The following GMDS variants were observed in gnomAD, a reference collection of about 807,000 sequenced individuals.
GMDS encodes the protein GDP-mannose 4,6-dehydratase, also known as GDP-mannose 4,6 dehydratase.
Under a neutral mutation model 49.9 loss-of-function variants are expected in GMDS, and 20 were observed. That is an observed-to-expected ratio of 0.40 (90% CI 0.28 to 0.58). GMDS has a LOEUF of 0.58. Among genes scored for constraint, GMDS ranks in the 20% least tolerant of loss-of-function variants. The pLI is 0.42. For synonymous variants in GMDS, 177 were observed against 178.6 expected (o/e 0.99, Z 0.07); for missense variants, 362 against 481.4 (o/e 0.75, Z 2.32).
chr6:1,882,516 A>T (rs571343975), intron 7 of GMDS, among the ~76,000 whole-genome samples: 1 of 152,330 alleles, frequency 6.6e-6, no homozygotes, highest in East Asian at 1.9e-4. Context: ...CATATTTTGC[A>T]ATTAGAATAA....
At chr6:1,670,667 C>G (rs1764392277) in intron 9 of GMDS, among the ~76,000 whole-genome samples, 1 of 152,170 alleles carries the variant, frequency 6.6e-6, no homozygotes, top group Non-Finnish European at 1.5e-5. Context: ...CTTCCATGCT[C>G]TAAATATATT....
intron 9 of GMDS, among the ~76,000 whole-genome samples, chr6:1,654,200 T>C (rs1405538395): frequency 6.6e-6 from 1 of 152,194 alleles, no homozygotes; most frequent in Non-Finnish European, 1.5e-5. Flanking sequence ...ACGAGTATGG[T>C]AGTTCCTCAA....
intron 7 of GMDS, among the ~76,000 whole-genome samples, chr6:1,812,717 C>G (rs1207455370): frequency 6.6e-6 from 1 of 152,036 alleles, no homozygotes; most frequent in Non-Finnish European, 1.5e-5. Flanking sequence ...TATTATGCAA[C>G]CAGGTTTGAG....
intron 1 of GMDS, among the ~76,000 whole-genome samples, chr6:2,165,426 C>A (rs184079550): frequency 2.0e-5 from 3 of 152,318 alleles, no homozygotes; most frequent in Admixed American, 2.0e-4. Context: ...GGATATCAGG[C>A]AGGAGAAATT....
intron 4 of GMDS, among the ~76,000 whole-genome samples, chr6:2,014,887 T>C (rs1037234337): frequency 6.6e-6 from 1 of 152,112 alleles, no homozygotes; most frequent in Non-Finnish European, 1.5e-5. Context: ...TAAGTGTATA[T>C]CATGCCAACA....
intron 7 of GMDS, among the ~76,000 whole-genome samples, chr6:1,912,344 C>A (rs1252536125): frequency 6.6e-6 from 1 of 151,988 alleles, no homozygotes; most frequent in Admixed American, 6.6e-5. Flanking sequence ...CCAGCCTGGG[C>A]AACAGAGTGA....
chr6:1,767,599 G>A (rs779196606), intron 7 of GMDS, among the ~76,000 whole-genome samples: 31 of 152,226 alleles, frequency 2.0e-4, no homozygotes, highest in Non-Finnish European at 3.4e-4. Context: ...TGAGAGAGAT[G>A]TTAAGCAAGT....
chr6:1,895,209 G>A (rs548112034), intron 7 of GMDS, among the ~76,000 whole-genome samples: 3 of 152,236 alleles, frequency 2.0e-5, no homozygotes, highest in African/African-American at 7.2e-5. Flanking sequence ...GATTTTTGAT[G>A]ACTGCCCAGC....
At chr6:2,002,200 T>C (rs1388118514) in intron 4 of GMDS, among the ~76,000 whole-genome samples, 2 of 152,272 alleles carry the variant, frequency 1.3e-5, no homozygotes, top group African/African-American at 2.4e-5. Context: ...TATTCATTCA[T>C]TTATTCATTT....
chr6:1,757,005 A>C (rs1408388405), intron 7 of GMDS, among the ~76,000 whole-genome samples: 1 of 152,164 alleles, frequency 6.6e-6, no homozygotes, highest in African/African-American at 2.4e-5. Context: ...GCAGGATGGG[A>C]GGGGTTACCG....
At chr6:2,001,256 C>G (rs1442008597) in intron 4 of GMDS, among the ~76,000 whole-genome samples, 1 of 152,184 alleles carries the variant, frequency 6.6e-6, no homozygotes, top group Non-Finnish European at 1.5e-5. Flanking sequence ...TGTCAAGCAT[C>G]TTTTCACATG....
chr6:1,893,912 G>A (rs3800120), intron 7 of GMDS, among the ~76,000 whole-genome samples: 1 of 152,170 alleles, frequency 6.6e-6, no homozygotes, highest in Admixed American at 6.5e-5. Context: ...GCCCAGCCCC[G>A]CTGGCAGGAG....
At chr6:2,054,913 A>C (rs1383899187) in intron 4 of GMDS, among the ~76,000 whole-genome samples, 2 of 152,146 alleles carry the variant, frequency 1.3e-5, no homozygotes, top group Admixed American at 6.5e-5. Flanking sequence ...GCAGAGAAGG[A>C]TCTTCAACCA....
chr6:2,213,295 C>G (rs1464528144), intron 1 of GMDS, among the ~76,000 whole-genome samples: 2 of 152,170 alleles, frequency 1.3e-5, no homozygotes, highest in Non-Finnish European at 2.9e-5. Context: ...GGGGTGGACT[C>G]TGCAGCTCTA....
At chr6:2,020,429 T>C (rs983268657) in intron 4 of GMDS, among the ~76,000 whole-genome samples, 1 of 152,110 alleles carries the variant, frequency 6.6e-6, no homozygotes, top group African/African-American at 2.4e-5. Context: ...AAAAAGAATC[T>C]GAAATGTCTT....
chr6:2,031,635 C>T (rs979282688), intron 4 of GMDS, among the ~76,000 whole-genome samples: 7 of 152,032 alleles, frequency 4.6e-5, no homozygotes, highest in African/African-American at 1.7e-4. Context: ...GCTATGAGGA[C>T]ATCTGGGGAA....
At chr6:1,649,166 C>T (rs1763576487) in intron 9 of GMDS, among the ~76,000 whole-genome samples, 1 of 152,112 alleles carries the variant, frequency 6.6e-6, no homozygotes, top group African/African-American at 2.4e-5. Flanking sequence ...CCTGTCTAGC[C>T]ACTGGGGGTC....
chr6:1,955,157 A>G (rs942755217), intron 6 of GMDS, among the ~76,000 whole-genome samples: 7 of 152,192 alleles, frequency 4.6e-5, no homozygotes, highest in South Asian at 2.1e-4. Context: ...GAAAAAAGCA[A>G]TATCTACGAA....
At chr6:2,202,535 C>A (rs1050543079) in intron 1 of GMDS, among the ~76,000 whole-genome samples, 3 of 151,676 alleles carry the variant, frequency 2.0e-5, no homozygotes, top group Non-Finnish European at 4.4e-5. Context: ...TAATTCTCTC[C>A]GTGCCTCAGT....
Sources: allele counts gnomAD v4.1 joint callset (sites outside exome capture counted in the v4.1 genomes callset), GRCh38; gene constraint gnomAD v4.1.1; transcripts MANE v1.5; gene names NCBI Gene and HGNC (gene_info 2026-07-23, HGNC 2026-07-21).